Variants in IMMP2L observed in about 807,000 individuals in gnomAD.
IMMP2L encodes the protein inner mitochondrial membrane peptidase subunit 2.
IMMP2L carries 18 observed loss-of-function variants against 19.3 expected under a neutral mutation model. The observed-to-expected ratio is 0.93, with a 90% CI of 0.64 to 1.38. The LOEUF is 1.38. Ranked by LOEUF, IMMP2L falls within the 40% of genes most tolerant of loss-of-function variation. The pLI is 0.00. For synonymous variants in IMMP2L, 76 were observed against 73.0 expected (o/e 1.04, Z -0.21); for missense variants, 233 against 218.2 (o/e 1.07, Z -0.43).
chr7:111,212,148 GTCTC>G (rs938901697), intron 3 of IMMP2L, among the ~76,000 whole-genome samples: 6 of 150,430 alleles, frequency 4.0e-5, no homozygotes, highest in Non-Finnish European at 8.8e-5. Flanking sequence ...AGATCTCTCT[GTCTC>G]TCTCTCTGTC....
chr7:111,341,936 A>G (rs1415142462), intron 3 of IMMP2L, among the ~76,000 whole-genome samples: 1 of 152,116 alleles, frequency 6.6e-6, no homozygotes, highest in Non-Finnish European at 1.5e-5. Context: ...ATGAAACAGC[A>G]AGATGGCCCT....
intron 3 of IMMP2L, among the ~76,000 whole-genome samples, chr7:111,460,604 T>A (rs956723661): frequency 6.6e-6 from 1 of 152,048 alleles, no homozygotes; most frequent in African/African-American, 2.4e-5. Flanking sequence ...ACAGCAGTTA[T>A]TTGCAAATTT....
intron 3 of IMMP2L, among the ~76,000 whole-genome samples, chr7:111,174,798 T>C (rs1806855813): frequency 6.6e-6 from 1 of 151,778 alleles, no homozygotes; most frequent in Non-Finnish European, 1.5e-5. Context: ...TCAATACTTG[T>C]GCAGTAAATG....
chr7:111,335,104 T>A (rs1325428630), intron 3 of IMMP2L, among the ~76,000 whole-genome samples: 19 of 152,036 alleles, frequency 1.2e-4, no homozygotes. Context: ...AATCTAAACC[T>A]TAACACTGGC....
At chr7:110,715,572 C>A (rs774196576) in intron 5 of IMMP2L, among the ~76,000 whole-genome samples, 6 of 152,064 alleles carry the variant, frequency 3.9e-5, no homozygotes, top group Non-Finnish European at 5.9e-5. Flanking sequence ...GTAATTTTGT[C>A]ATTTTGGGAG....
At chr7:111,217,124 T>TCACACACA (rs1281616330) in intron 3 of IMMP2L, among the ~76,000 whole-genome samples, 36 of 102,726 alleles carry the variant, frequency 3.5e-4, no homozygotes, top group African/African-American at 1.1e-3. Flanking sequence ...TCTCTCTCTC[T>TCACACACA]CTCACACACA....
intron 5 of IMMP2L, among the ~76,000 whole-genome samples, chr7:110,697,343 A>C (rs1227497274): frequency 6.6e-6 from 1 of 152,218 alleles, no homozygotes; most frequent in African/African-American, 2.4e-5. Flanking sequence ...CAAATACAGG[A>C]GAACCTAAAA....
At chr7:110,689,947 T>A (rs1461638645) in intron 5 of IMMP2L, among the ~76,000 whole-genome samples, 1 of 152,190 alleles carries the variant, frequency 6.6e-6, no homozygotes, top group Admixed American at 6.6e-5. Flanking sequence ...ACAGTATATA[T>A]CTTTTCTCAT....
At chr7:111,182,727 T>C (rs1440808720) in intron 3 of IMMP2L, among the ~76,000 whole-genome samples, 3 of 151,876 alleles carry the variant, frequency 2.0e-5, no homozygotes, top group Non-Finnish European at 2.9e-5. Context: ...ATTTCAAGAA[T>C]GAATTTAGTT....
intron 5 of IMMP2L, among the ~76,000 whole-genome samples, chr7:110,859,975 T>C (rs1807220327): frequency 6.6e-6 from 1 of 152,110 alleles, no homozygotes; most frequent in Non-Finnish European, 1.5e-5. Context: ...ACTGATGTTA[T>C]ATTTTTAACC....
chr7:111,181,524 C>T (rs1807706370), intron 3 of IMMP2L, among the ~76,000 whole-genome samples: 1 of 151,930 alleles, frequency 6.6e-6, no homozygotes, highest in Non-Finnish European at 1.5e-5. Context: ...GATGGAGAAG[C>T]TCTGGCCCCA....
intron 3 of IMMP2L, among the ~76,000 whole-genome samples, chr7:110,977,295 T>G (rs1405072200): frequency 6.6e-6 from 1 of 151,978 alleles, no homozygotes; most frequent in Non-Finnish European, 1.5e-5. Flanking sequence ...AGCAAGTCAT[T>G]TAGCTATCTT....
chr7:111,547,423 G>A (rs77940198), intron 1 of IMMP2L, among the ~76,000 whole-genome samples: 2,495 of 151,834 alleles, frequency 0.016, 67 homozygotes, highest in African/African-American at 0.057. Context: ...AATCCAAAAC[G>A]GACAAGTATG....
chr7:111,376,135 C>T (rs1002837862), intron 3 of IMMP2L, among the ~76,000 whole-genome samples: 1 of 152,050 alleles, frequency 6.6e-6, no homozygotes, highest in African/African-American at 2.4e-5. Flanking sequence ...TGTAGAGTAA[C>T]ACTGTGTTAC....
intron 5 of IMMP2L, among the ~76,000 whole-genome samples, chr7:110,697,263 A>G (rs2130602940): frequency 1.3e-5 from 2 of 152,324 alleles, no homozygotes; most frequent in Middle Eastern, 6.8e-3. Flanking sequence ...ACAGATATAG[A>G]TGGATTCAGA....
intron 3 of IMMP2L, among the ~76,000 whole-genome samples, chr7:111,168,976 G>C (rs774989748): frequency 7.2e-5 from 11 of 151,848 alleles, no homozygotes; most frequent in Non-Finnish European, 1.6e-4. Flanking sequence ...AACAGCAAAA[G>C]AGTTATGAAT....
intron 3 of IMMP2L, among the ~76,000 whole-genome samples, chr7:111,336,034 T>C (rs1826366916): frequency 6.6e-6 from 1 of 152,010 alleles, no homozygotes; most frequent in Admixed American, 6.6e-5. Context: ...GTTTCAAGTA[T>C]ACTTAATTTC....
intron 4 of IMMP2L, among the ~76,000 whole-genome samples, chr7:110,899,186 A>G (rs1383982959): frequency 6.6e-6 from 1 of 152,048 alleles, no homozygotes; most frequent in Non-Finnish European, 1.5e-5. Context: ...CCTTCTTTTT[A>G]TGTTTTAATT....
At chr7:111,200,497 T>C (rs1288345920) in intron 3 of IMMP2L, among the ~76,000 whole-genome samples, 2 of 152,188 alleles carry the variant, frequency 1.3e-5, no homozygotes, top group Middle Eastern at 3.4e-3. Flanking sequence ...GTTTGTCTAC[T>C]TTCCCAACTA....
Sources: gnomAD v4.1 joint callset for allele counts (sites outside exome capture counted in the v4.1 genomes callset) on GRCh38, gnomAD v4.1.1 for gene constraint, MANE v1.5 for transcripts, NCBI Gene and HGNC (gene_info 2026-07-23, HGNC 2026-07-21) for gene names.